Variants in PCDH15 observed in about 807,000 individuals in gnomAD.
PCDH15 encodes protocadherin related 15.
PCDH15 carries 129 observed loss-of-function variants against 178.5 expected under a neutral mutation model. That is an observed-to-expected ratio of 0.72 (90% confidence interval 0.63 to 0.84). The LOEUF (loss-of-function observed/expected upper bound fraction) is 0.84. Ranked by LOEUF, PCDH15 falls within the 40% of genes least tolerant of loss-of-function variation. The pLI is 0.00. For missense variants in PCDH15, 2,230 were observed against 2,099.9 expected (o/e 1.06, Z -1.21); for synonymous variants, 800 against 732.0 (o/e 1.09, Z -1.50).
chr10:54,789,136 T>C (rs1196472632), intron 1 of PCDH15, among the ~76,000 whole-genome samples: 1 of 151,910 alleles, frequency 6.6e-6, no homozygotes, highest in African/African-American at 2.4e-5. Context: ...TAAAATTCAT[T>C]TGACAACCAA....
At chr10:54,300,436 T>G (rs960276422) in intron 8 of PCDH15, among the ~76,000 whole-genome samples, 2 of 152,152 alleles carry the variant, frequency 1.3e-5, no homozygotes, top group African/African-American at 4.8e-5. Flanking sequence ...TGAACTCAAC[T>G]AACAACTTCT....
intron 32 of PCDH15, chr10:53,822,980 C>T: frequency 6.2e-7 from 1 of 1,614,084 alleles, no homozygotes; most frequent in African/African-American, 1.3e-5. Flanking sequence ...TCATCAGCCT[C>T]CTGGGTAAGC....
At chr10:54,651,021 G>T (rs2135190529) in intron 2 of PCDH15, among the ~76,000 whole-genome samples, 1 of 152,164 alleles carries the variant, frequency 6.6e-6, no homozygotes, top group African/African-American at 2.4e-5. Flanking sequence ...GCAAAAAAGT[G>T]AACCCTACAA....
intron 25 of PCDH15, among the ~76,000 whole-genome samples, chr10:53,930,351 G>T (rs959208187): frequency 2.0e-5 from 3 of 149,090 alleles, no homozygotes; most frequent in Non-Finnish European, 4.4e-5. Flanking sequence ...CCAGCTACTC[G>T]GGAGGCTGAG....
intron 32 of PCDH15, chr10:53,825,032 C>CAAAAGATGAAGATCACTGTATTTACA: frequency 7.7e-7 from 1 of 1,304,886 alleles, no homozygotes; most frequent in Non-Finnish European, 9.9e-7. Context: ...GAGTCTGTGG[C>CAAAAGATGAAGATCACTGTATTTACA]AAAAGATGAA....
At chr10:54,625,369 T>C (rs372732865) in intron 2 of PCDH15, among the ~76,000 whole-genome samples, 48 of 152,282 alleles carry the variant, frequency 3.2e-4, no homozygotes, top group South Asian at 1.0e-3. Context: ...CTGGGACCCA[T>C]AGCCAATGAT....
intron 2 of PCDH15, among the ~76,000 whole-genome samples, chr10:55,119,609 C>T (rs1837715957): frequency 1.3e-5 from 2 of 152,280 alleles, no homozygotes; most frequent in African/African-American, 2.4e-5. Context: ...ACTTCTTCCT[C>T]TTCCTCTGAC....
At chr10:55,077,428 TTCCTTC>T (rs1489462633) in intron 2 of PCDH15, among the ~76,000 whole-genome samples, 1 of 149,270 alleles carries the variant, frequency 6.7e-6, no homozygotes, top group Non-Finnish European at 1.5e-5. Context: ...CCTTCCTTCC[TTCCTTC>T]CTTTCTTCCT....
intron 2 of PCDH15, among the ~76,000 whole-genome samples, chr10:55,527,530 A>G (rs1021305180): frequency 6.6e-6 from 1 of 152,054 alleles, no homozygotes; most frequent in Non-Finnish European, 1.5e-5. Flanking sequence ...ACTTCCAAAT[A>G]AGGTTATATT....
At chr10:54,326,989 T>C (rs1161799367) in intron 7 of PCDH15, among the ~76,000 whole-genome samples, 1 of 152,124 alleles carries the variant, frequency 6.6e-6, no homozygotes, top group African/African-American at 2.4e-5. Flanking sequence ...ATTCCTTCCT[T>C]TTGATGATTC....
chr10:54,320,944 T>C (rs1242697298), intron 7 of PCDH15, among the ~76,000 whole-genome samples: 1 of 151,864 alleles, frequency 6.6e-6, no homozygotes, highest in African/African-American at 2.4e-5. Context: ...TCATCTTCCA[T>C]ATTTCTAAAG....
At chr10:54,328,607 A>G (rs857392) in intron 7 of PCDH15, among the ~76,000 whole-genome samples, 110,432 of 151,912 alleles carry the variant, frequency 0.73, 41,109 homozygotes, top group African/African-American at 0.82. Context: ...GGATGGGAGA[A>G]AACTCTGAAG....
intron 2 of PCDH15, chr10:54,599,611 GA>G: frequency 6.4e-6 from 2 of 313,004 alleles, no homozygotes; most frequent in Non-Finnish European, 6.0e-6. Context: ...AGATTTCATG[GA>G]AAATATGCCA....
chr10:55,205,388 G>A (rs776190695), intron 1 of PCDH15, among the ~76,000 whole-genome samples: 1 of 151,828 alleles, frequency 6.6e-6, no homozygotes, highest in East Asian at 1.9e-4. Flanking sequence ...TAATAACAAT[G>A]ATAGCAACAT....
At position 54,489,497 on chromosome 10, in the gene PCDH15, A is replaced by G. The variant is rs570237571; in HGVS notation, c.157+38315T>C. 7.9e-5 allele frequency among the ~76,000 whole-genome samples: 12 copies of G among 152,268 alleles called. No homozygotes were observed. In the South Asian group the frequency reaches 2.5e-3, roughly 31 times the overall value. ...ATAGCTCAACACTATGATGAGAGCT[A>G]CAAGAGGAGTTGTTAAACAAAAGCC... On this transcript the variant is annotated intron_variant, in intron 3 of 37. Transcript: ENST00000644397.
chr10:55,157,898 T>C (rs1242912371), intron 2 of PCDH15, among the ~76,000 whole-genome samples: 1 of 151,958 alleles, frequency 6.6e-6, no homozygotes, highest in Non-Finnish European at 1.5e-5. Context: ...GCCACATGTA[T>C]ACATATGTAA....
chr10:55,362,643 C>CGT (rs148604478), intron 2 of PCDH15, among the ~76,000 whole-genome samples: 139 of 150,072 alleles, frequency 9.3e-4, no homozygotes, highest in African/African-American at 1.3e-3. Flanking sequence ...TACATGCACT[C>CGT]GTGTGTGTGT....
At chr10:54,252,609 C>G (rs182509415) in intron 8 of PCDH15, among the ~76,000 whole-genome samples, 1 of 152,120 alleles carries the variant, frequency 6.6e-6, no homozygotes, top group Non-Finnish European at 1.5e-5. Context: ...AGAGCCAGAA[C>G]GACCAAGGTC....
rs75295232 is a variant in PCDH15, at chr10:54,060,056, G to A, written c.2220+6701C>T. Among the ~76,000 whole-genome samples the A allele has an allele frequency of 7.6e-3, 1,158 of 152,192 alleles. 17 individuals are homozygous for A. The highest frequency in any genetic ancestry group is 0.026 in the African/African-American group (1,082 of 41,504). ...GGATCGCAACCATGAGCTCTATTTT[G>A]ATAATAACAAATATCTTTCATTTCC... On this transcript the variant is annotated intron_variant, in intron 18 of 37. Transcript: ENST00000644397.
Sources: gnomAD v4.1 joint callset for allele counts (sites outside exome capture counted in the v4.1 genomes callset) on GRCh38, gnomAD v4.1.1 for gene constraint, MANE v1.5 for transcripts, NCBI Gene and HGNC (gene_info 2026-07-23, HGNC 2026-07-21) for gene names.